The following STMN4 variants were observed in gnomAD, a reference collection of about 807,000 sequenced individuals.
STMN4 encodes stathmin 4.
In STMN4, 12 loss-of-function variants were observed where a neutral mutation model predicts 29.1. The ratio of observed to expected loss-of-function variants is 0.41; its 90% CI spans 0.26 to 0.67. The LOEUF is 0.67. Among genes scored for constraint, STMN4 ranks in the 30% least tolerant of loss-of-function variants. The probability of loss-of-function intolerance (pLI) is 0.30; values close to 1 mark genes in which losing one functional copy is unlikely to be tolerated. For missense variants in STMN4, 181 were observed against 262.8 expected, an observed-to-expected ratio of 0.69 and a Z score of 2.15; for synonymous variants, 114 against 105.3, an observed-to-expected ratio of 1.08 and a Z score of -0.51.
At chr8:27,254,028 C>T (rs1004653696) in intron 1 of STMN4, among the ~76,000 whole-genome samples, 3 of 152,164 alleles carry the variant, frequency 2.0e-5, no homozygotes, top group Admixed American at 2.0e-4. Flanking sequence ...AACGATTTGC[C>T]CACCTCAGCC....
chr8:27,248,333 T>C (rs532421620), intron 1 of STMN4, among the ~76,000 whole-genome samples: 2 of 152,314 alleles, frequency 1.3e-5, no homozygotes, highest in South Asian at 4.1e-4. Context: ...GAGGTTACTA[T>C]GCAATTGAGG....
chr8:27,252,948 C>T (rs916572720), intron 1 of STMN4, among the ~76,000 whole-genome samples: 1 of 152,194 alleles, frequency 6.6e-6, no homozygotes, highest in African/African-American at 2.4e-5. Flanking sequence ...TCAGAGAGTC[C>T]CTGTTAAAAT....
chr8:27,239,412 C>A, intron 6 of STMN4: 1 of 961,948 alleles, frequency 1.0e-6, no homozygotes. Context: ...ACAGAACCAA[C>A]CCCGGCCTCA....
rs1190993677 is a variant in STMN4, at chr8:27,236,795, G to A, written c.*51C>T. 1.3e-6 allele frequency: 2 copies of A among 1,512,918 alleles called. No homozygotes were observed. The highest frequency in any genetic ancestry group is 1.8e-6 in the Non-Finnish European group (2 of 1,129,498). 93.7% of individuals were successfully genotyped at this position (1,512,918 alleles called of 1,614,324 possible). A position where few individuals can be genotyped will look rare whatever the true frequency, so the allele number is the denominator to read the frequency against. On this transcript the variant is annotated 3_prime_UTR_variant, in exon 7 of 7. Coordinates refer to ENST00000350889, the MANE Select transcript of STMN4 (RefSeq NM_030795.4). Reference sequence around the variant, plus strand: ...GGCGGGCGAGGCTGCCTGGAACGTGGAGCTGCTGGAGCTGTCCGGCTGACC... The same window carrying A: ...GGCGGGCGAGGCTGCCTGGAACGTGAAGCTGCTGGAGCTGTCCGGCTGACC...
intron 2 of STMN4, 150 bp from the exon 3 acceptor site, chr8:27,242,642 C>T (rs1286148753): frequency 2.8e-6 from 2 of 726,912 alleles, no homozygotes; most frequent in Admixed American, 5.0e-5. Flanking sequence ...CCAGGCCTTT[C>T]GCCCTGAGCC....
intron 2 of STMN4, among the ~76,000 whole-genome samples, chr8:27,243,090 A>C (rs955661258): frequency 6.6e-6 from 1 of 152,070 alleles, no homozygotes; most frequent in Non-Finnish European, 1.5e-5. Flanking sequence ...CCTCTAGTCT[A>C]TCTGTGTTTG....
chr8:27,242,297 G>A, intron 3 of STMN4, 100 bp downstream of exon 3: 2 of 1,181,564 alleles, frequency 1.7e-6, no homozygotes, highest in South Asian at 1.3e-5. Context: ...AACTGTCTCG[G>A]GAGGAGAGAT....
chr8:27,240,318 C>T (rs1801433343), intron 5 of STMN4, among the ~76,000 whole-genome samples, 156 bp from the exon 6 acceptor site: 1 of 152,202 alleles, frequency 6.6e-6, no homozygotes, highest in Non-Finnish European at 1.5e-5. Context: ...TCCTAAATTC[C>T]CCCCACCACT....
intron 2 of STMN4, among the ~76,000 whole-genome samples, chr8:27,243,207 C>A (rs998368001): frequency 5.9e-5 from 9 of 152,130 alleles, no homozygotes; most frequent in Non-Finnish European, 1.2e-4. Flanking sequence ...TGACCCCTAG[C>A]ACAGCGCAGG....
chr8:27,239,683 G>A, intron 6 of STMN4: 18 of 1,434,850 alleles, frequency 1.3e-5, no homozygotes, highest in Middle Eastern at 1.8e-4. Context: ...TATTAGACAG[G>A]CTTCTTCTAG....
chr8:27,242,287 A>T, intron 3 of STMN4, 110 bp downstream of exon 3: 1 of 1,096,550 alleles, frequency 9.1e-7, no homozygotes, highest in Non-Finnish European at 1.4e-6. Flanking sequence ...CTGGGAAGGA[A>T]ACTGTCTCGG....
intron 1 of STMN4, among the ~76,000 whole-genome samples, chr8:27,248,859 G>A (rs1261669783): frequency 6.6e-6 from 1 of 152,194 alleles, no homozygotes; most frequent in Admixed American, 6.5e-5. Context: ...GGAGGGATAG[G>A]CTGGAAGCCA....
intron 1 of STMN4, among the ~76,000 whole-genome samples, chr8:27,246,119 G>C (rs1422829454): frequency 6.6e-6 from 1 of 152,178 alleles, no homozygotes; most frequent in Admixed American, 6.5e-5. Flanking sequence ...ATGGTCCTGA[G>C]GACTCACAGA....
intron 1 of STMN4, among the ~76,000 whole-genome samples, chr8:27,256,275 G>A (rs1221984062): frequency 2.6e-5 from 4 of 152,040 alleles, no homozygotes; most frequent in Non-Finnish European, 4.4e-5. Context: ...AAAGAGTTCT[G>A]AAGATTGCAT....
At chr8:27,245,674 C>T (rs1237565046) in intron 1 of STMN4, among the ~76,000 whole-genome samples, 1 of 152,206 alleles carries the variant, frequency 6.6e-6, no homozygotes, top group Non-Finnish European at 1.5e-5. Context: ...AGTTAGTAAG[C>T]CCTTGCCAGA....
At chr8:27,250,565 G>A (rs1000409934) in intron 1 of STMN4, among the ~76,000 whole-genome samples, 2 of 152,138 alleles carry the variant, frequency 1.3e-5, no homozygotes, top group African/African-American at 4.8e-5. Flanking sequence ...GAGAAGGAGT[G>A]GGAATTAGAG....
intron 6 of STMN4, among the ~76,000 whole-genome samples, chr8:27,237,766 G>A (rs939853923): frequency 2.0e-5 from 3 of 152,334 alleles, no homozygotes; most frequent in East Asian, 3.9e-4. Context: ...GATCTTTAAA[G>A]AGAAGGGCAT....
At chr8:27,243,594 C>T in intron 2 of STMN4, 117 bp downstream of exon 2, 1 of 1,107,122 alleles carries the variant, frequency 9.0e-7, no homozygotes. Context: ...ACCTGCACCC[C>T]CCCACACACC....
rs779778346 is a variant in STMN4 at position 27,236,801 on chromosome 8, C to A, written c.*45G>T. 2.8e-5 allele frequency: 43 copies of A among 1,544,850 alleles called. No individual in the cohort carries two copies. The highest frequency in any genetic ancestry group is 3.5e-5 in the Non-Finnish European group (40 of 1,146,970). On this transcript the variant is annotated 3_prime_UTR_variant, in exon 7 of 7. Transcript: ENST00000350889. ...CGAGGCTGCCTGGAACGTGGAGCTG[C>A]TGGAGCTGTCCGGCTGACCTGGAAA... is the stretch of plus-strand genomic sequence containing the variant.
Sources: allele counts gnomAD v4.1 joint callset (sites outside exome capture counted in the v4.1 genomes callset), GRCh38; gene constraint gnomAD v4.1.1; transcripts MANE v1.5; gene names NCBI Gene and HGNC (gene_info 2026-07-23, HGNC 2026-07-21).